Variants in PTPRK observed in about 807,000 individuals in gnomAD.
PTPRK encodes protein tyrosine phosphatase receptor type K.
A neutral mutation model predicts 178.0 loss-of-function variants in PTPRK; 75 were observed. That is an observed-to-expected ratio of 0.42 (90% CI 0.35 to 0.51). The LOEUF (loss-of-function observed/expected upper bound fraction) is 0.51, where lower values mean the gene tolerates loss of function less well. Among genes scored for constraint, PTPRK ranks in the 20% least tolerant of loss-of-function variants. PTPRK has a pLI of 0.02. For synonymous variants in PTPRK, 637 were observed against 620.6 expected, an observed-to-expected ratio of 1.03 and a Z score of -0.39; for missense variants, 1,441 against 1,797.8, an observed-to-expected ratio of 0.80 and a Z score of 3.59.
At chr6:128,160,169 AC>A (rs1332555206) in intron 7 of PTPRK, among the ~76,000 whole-genome samples, 1 of 151,740 alleles carries the variant, frequency 6.6e-6, no homozygotes, top group Non-Finnish European at 1.5e-5. Flanking sequence ...ATAATTATGT[AC>A]TTATGCAATC....
At chr6:128,281,203 C>T (rs1423394615) in intron 3 of PTPRK, among the ~76,000 whole-genome samples, 1 of 152,134 alleles carries the variant, frequency 6.6e-6, no homozygotes, top group Non-Finnish European at 1.5e-5. Flanking sequence ...CAGGCCAAGA[C>T]CAAGCAGGCA....
intron 1 of PTPRK, among the ~76,000 whole-genome samples, chr6:128,488,349 C>T (rs1338004254): frequency 1.3e-5 from 2 of 152,160 alleles, no homozygotes; most frequent in African/African-American, 4.8e-5. Context: ...TCTCCCAAAC[C>T]ACTGACTCAA....
chr6:128,337,858 G>C (rs1279560605), intron 2 of PTPRK, among the ~76,000 whole-genome samples: 2 of 152,236 alleles, frequency 1.3e-5, no homozygotes, highest in South Asian at 4.1e-4. Flanking sequence ...CCTGAAGAAT[G>C]AAAGAGAGTT....
chr6:128,017,331 G>GT (rs1304407329), intron 13 of PTPRK, among the ~76,000 whole-genome samples: 1 of 151,828 alleles, frequency 6.6e-6, no homozygotes, highest in African/African-American at 2.4e-5. Context: ...AATACCTGCA[G>GT]TTTTTTTGAG....
At chr6:128,427,771 C>T (rs549936848) in intron 1 of PTPRK, among the ~76,000 whole-genome samples, 21 of 152,228 alleles carry the variant, frequency 1.4e-4, no homozygotes, top group African/African-American at 4.6e-4. Flanking sequence ...GGATCAACCA[C>T]GACCATCAGC....
At chr6:128,199,201 G>A (rs1805461195) in intron 6 of PTPRK, among the ~76,000 whole-genome samples, 1 of 152,096 alleles carries the variant, frequency 6.6e-6, no homozygotes, top group African/African-American at 2.4e-5. Context: ...AATAGCTCAA[G>A]GTGAAAAAGA....
intron 1 of PTPRK, among the ~76,000 whole-genome samples, chr6:128,410,753 T>C (rs377147228): frequency 4.6e-5 from 7 of 152,318 alleles, no homozygotes; most frequent in African/African-American, 1.7e-4. Context: ...TTTATAGTAC[T>C]ATAAAATACT....
chr6:128,286,827 T>C (rs1822583972), intron 3 of PTPRK, among the ~76,000 whole-genome samples: 1 of 152,144 alleles, frequency 6.6e-6, no homozygotes, highest in Non-Finnish European at 1.5e-5. Context: ...GCCTTCAGAG[T>C]AAAGCCAATT....
intron 1 of PTPRK, among the ~76,000 whole-genome samples, chr6:128,464,140 C>T (rs1449457173): frequency 6.6e-6 from 1 of 151,992 alleles, no homozygotes; most frequent in Non-Finnish European, 1.5e-5. Context: ...ATGCAAAGCA[C>T]CTACTCACTA....
chr6:128,386,313 C>T (rs1209448040), intron 2 of PTPRK, among the ~76,000 whole-genome samples: 1 of 152,104 alleles, frequency 6.6e-6, no homozygotes, highest in Non-Finnish European at 1.5e-5. Flanking sequence ...ATATGATAAG[C>T]TCACCAAAGA....
chr6:128,459,795 A>C (rs1848809649), intron 1 of PTPRK, among the ~76,000 whole-genome samples: 1 of 152,204 alleles, frequency 6.6e-6, no homozygotes, highest in African/African-American at 2.4e-5. Flanking sequence ...TGCTATAAAG[A>C]AATACCTGAA....
chr6:128,273,007 C>T (rs955874573), intron 3 of PTPRK, among the ~76,000 whole-genome samples: 50 of 152,182 alleles, frequency 3.3e-4, no homozygotes, highest in African/African-American at 1.1e-3. Context: ...GGCACATATA[C>T]ACCATTGAAT....
intron 3 of PTPRK, among the ~76,000 whole-genome samples, chr6:128,275,776 A>T (rs1768350): frequency 6.6e-6 from 1 of 151,992 alleles, no homozygotes; most frequent in Non-Finnish European, 1.5e-5. Flanking sequence ...TGGACAAAAT[A>T]CTTTCTAAGG....
At chr6:128,236,066 C>A (rs1207532388) in intron 5 of PTPRK, among the ~76,000 whole-genome samples, 2 of 152,004 alleles carry the variant, frequency 1.3e-5, no homozygotes, top group Middle Eastern at 3.4e-3. Context: ...AGGAAAAAAA[C>A]AGTATATGTG....
intron 7 of PTPRK, among the ~76,000 whole-genome samples, chr6:128,114,390 G>A (rs550000341): frequency 6.6e-6 from 1 of 151,912 alleles, no homozygotes; most frequent in East Asian, 1.9e-4. Context: ...GGCGGAGGTG[G>A]GCGGATCACC....
At chr6:128,502,485 G>A (rs1433419183) in intron 1 of PTPRK, among the ~76,000 whole-genome samples, 1 of 152,130 alleles carries the variant, frequency 6.6e-6, no homozygotes, top group African/African-American at 2.4e-5. Context: ...TGTTCAATTA[G>A]GAAAGTGTTA....
chr6:128,171,522 AATAT>A (rs1199399314), intron 7 of PTPRK, among the ~76,000 whole-genome samples: 2 of 152,052 alleles, frequency 1.3e-5, no homozygotes, highest in Non-Finnish European at 2.9e-5. Flanking sequence ...CCAAGCTGAG[AATAT>A]ATTTTTAACT....
chr6:128,463,819 T>C (rs2128413722), intron 1 of PTPRK, among the ~76,000 whole-genome samples: 1 of 145,960 alleles, frequency 6.9e-6, no homozygotes, highest in South Asian at 2.3e-4. Context: ...TGGCACAATC[T>C]TGGCTCTCTG....
intron 1 of PTPRK, among the ~76,000 whole-genome samples, chr6:128,418,442 A>G (rs1843079795): frequency 6.6e-6 from 1 of 152,150 alleles, no homozygotes; most frequent in Non-Finnish European, 1.5e-5. Flanking sequence ...CGTGTGTCAG[A>G]TCAGCTGAGG....
Sources: gnomAD v4.1 joint callset for allele counts (sites outside exome capture counted in the v4.1 genomes callset) on GRCh38, gnomAD v4.1.1 for gene constraint, MANE v1.5 for transcripts, NCBI Gene and HGNC (gene_info 2026-07-23, HGNC 2026-07-21) for gene names.